MAF: variants seen among roughly 807,000 people sequenced by gnomAD.
The protein encoded by MAF is transcription factor Maf.
MAF carries 10 observed loss-of-function variants against 22.0 expected under a neutral mutation model. The observed-to-expected ratio is 0.45, with a 90% CI of 0.28 to 0.77. The LOEUF (loss-of-function observed/expected upper bound fraction) is 0.77. Among genes scored for constraint, MAF ranks in the 30% least tolerant of loss-of-function variants. The pLI is 0.12. For synonymous variants in MAF, 337 were observed against 255.8 expected (o/e 1.32, Z -3.03); for missense variants, 544 against 548.4 (o/e 0.99, Z 0.08).
At chr16:79,373,920 A>G in the MAF span, among the ~76,000 whole-genome samples, 80 of 152,348 alleles carry the variant, frequency 5.3e-4, no homozygotes, top group Non-Finnish European at 7.4e-4. Context: ...TAAGATGGGA[A>G]TCAATAAATA....
chr16:79,406,290 C>T, the MAF span, among the ~76,000 whole-genome samples: 5 of 152,224 alleles, frequency 3.3e-5, no homozygotes, highest in South Asian at 2.1e-4. Context: ...TGGTCTGGCA[C>T]GTCCCCAAGG....
chr16:79,230,760 T>C, the MAF span, among the ~76,000 whole-genome samples: 364 of 152,224 alleles, frequency 2.4e-3, 15 homozygotes, highest in South Asian at 0.074. Context: ...TCTAAGATTA[T>C]ATTCCAAATT....
In MAF at chr16:79,596,896, G is replaced by A. The variant is rs374334303; in HGVS notation, c.1118+1889C>T. On this transcript the variant is annotated intron_variant, in intron 1 of 1. Coordinates refer to ENST00000326043, the MANE Select transcript of MAF (RefSeq NM_005360.5). ...CTAAACAGTTTTGCAATTTTTTTTT[G>A]TATTATATGCTTGCAGGTTATATCT... is the stretch of plus-strand genomic sequence containing the variant. The A allele has an allele frequency of 1.1e-3, 1,134 of 1,046,354 alleles. 1 individual carries two copies. Among genetic ancestry groups the A allele is most frequent in the Non-Finnish European group, 1.2e-3 (1,072 of 867,822 alleles). 64.8% of individuals were successfully genotyped at this position (1,046,354 alleles called of 1,614,324 possible).
chr16:79,461,807 C>T, the MAF span, among the ~76,000 whole-genome samples: 1 of 152,072 alleles, frequency 6.6e-6, no homozygotes, highest in African/African-American at 2.4e-5. Flanking sequence ...TAAGCGAGAC[C>T]CATCCTCCTA....
At chr16:79,547,860 A>C in the MAF span, among the ~76,000 whole-genome samples, 2 of 150,716 alleles carry the variant, frequency 1.3e-5, no homozygotes, top group African/African-American at 2.4e-5. Flanking sequence ...TCTGCAAACT[A>C]TCTCCTTGTG....
At chr16:79,563,476 G>C in the MAF span, among the ~76,000 whole-genome samples, 2 of 147,148 alleles carry the variant, frequency 1.4e-5, no homozygotes, top group Non-Finnish European at 3.0e-5. Flanking sequence ...TCCAAATTGA[G>C]ATATACATCA....
At chr16:79,291,159 C>T in the MAF span, among the ~76,000 whole-genome samples, 79 of 152,262 alleles carry the variant, frequency 5.2e-4, no homozygotes, top group African/African-American at 1.7e-3. Context: ...ATGGGGCCGT[C>T]GTCTGCTGGT....
chr16:79,549,122 C>T, the MAF span, among the ~76,000 whole-genome samples: 3 of 152,272 alleles, frequency 2.0e-5, no homozygotes, highest in East Asian at 5.8e-4. Context: ...CTAATGTATG[C>T]AAAGTGCATA....
downstream of MAF, among the ~76,000 whole-genome samples, chr16:79,585,281 A>G (rs549716767): frequency 2.0e-4 from 31 of 152,210 alleles, no homozygotes; most frequent in Admixed American, 3.9e-4. Context: ...CTTCCCACCC[A>G]TCTCCTCCTT....
chr16:79,404,141 A>C, the MAF span, among the ~76,000 whole-genome samples: 1 of 149,060 alleles, frequency 6.7e-6, no homozygotes, highest in Non-Finnish European at 1.5e-5. Flanking sequence ...AGCCCTTAAC[A>C]TGCATTTTAC....
chr16:79,577,591 G>A, the MAF span, among the ~76,000 whole-genome samples: 1 of 152,224 alleles, frequency 6.6e-6, no homozygotes, highest in East Asian at 1.9e-4. Flanking sequence ...CAAAGGGCAG[G>A]GCTTCGGGAA....
the MAF span, among the ~76,000 whole-genome samples, chr16:79,539,600 G>A: frequency 6.6e-6 from 1 of 152,146 alleles, no homozygotes; most frequent in South Asian, 2.1e-4. Context: ...TATAATCAGA[G>A]ATTCAGACTA....
chr16:79,600,429 G>C lies in MAF; in HGVS notation c.-527C>G, dbSNP rs892274791. 3.6e-5 allele frequency: 7 copies of C among 196,956 alleles called. No individual in the cohort carries two copies. In the Admixed American group the frequency reaches 3.8e-4, roughly 11 times the overall value. The allele number at this position is 196,956 out of a possible 1,614,324, so 12.2% of individuals were successfully genotyped here. A position where few individuals can be genotyped will look rare whatever the true frequency, so the allele number is the denominator to read the frequency against. On this transcript the variant is annotated 5_prime_UTR_variant, in exon 1 of 2. Transcript: ENST00000326043. ...TCCGGGCGGCGCGGGCCTTGGCACG[G>C]GGGAGTTAACACTTCATGCTTCTCG...
At chr16:79,598,455 T>TA (rs533404316) in intron 1 of MAF, 221,479 of 1,047,222 alleles carry the variant, frequency 0.21, 1,342 homozygotes, top group Non-Finnish European at 0.22. Context: ...CGGGGGGGTG[T>TA]AAAAAAAAAA....
chr16:79,588,338 C>T (rs546473523), intron 1 of MAF, among the ~76,000 whole-genome samples: 5 of 152,172 alleles, frequency 3.3e-5, no homozygotes, highest in Non-Finnish European at 7.4e-5. Context: ...CCAGGCTCTG[C>T]GCATGTCTAC....
At chr16:79,252,581 C>G in the MAF span, among the ~76,000 whole-genome samples, 1 of 152,120 alleles carries the variant, frequency 6.6e-6, no homozygotes, top group Non-Finnish European at 1.5e-5. Flanking sequence ...CCGCAACCTC[C>G]TGGGTTCAAG....
At chr16:79,471,869 GA>G in the MAF span, among the ~76,000 whole-genome samples, 6 of 152,118 alleles carry the variant, frequency 3.9e-5, no homozygotes, top group Non-Finnish European at 7.4e-5. Context: ...ATTGTTAGAA[GA>G]AAAAACTTTT....
At chr16:79,563,668 G>T in the MAF span, among the ~76,000 whole-genome samples, 1 of 151,814 alleles carries the variant, frequency 6.6e-6, no homozygotes, top group Non-Finnish European at 1.5e-5. Flanking sequence ...CAAAATTTAA[G>T]ATTTAAAATG....
At chr16:79,374,952 TG>T in the MAF span, among the ~76,000 whole-genome samples, 1 of 152,334 alleles carries the variant, frequency 6.6e-6, no homozygotes, top group Admixed American at 6.5e-5. Context: ...TGTGCATATG[TG>T]TTGTATACAT....
Sources: gnomAD v4.1 joint callset for allele counts (sites outside exome capture counted in the v4.1 genomes callset) on GRCh38, gnomAD v4.1.1 for gene constraint, MANE v1.5 for transcripts, NCBI Gene and HGNC (gene_info 2026-07-23, HGNC 2026-07-21) for gene names.